ASIC2: variants seen among roughly 807,000 people sequenced by gnomAD.
ASIC2 encodes the protein acid-sensing ion channel 2.
ASIC2 carries 25 observed loss-of-function variants against 57.3 expected under a neutral mutation model. The ratio of observed to expected loss-of-function variants is 0.44; its 90% CI spans 0.32 to 0.61. The LOEUF (loss-of-function observed/expected upper bound fraction) is 0.61. Among genes scored for constraint, ASIC2 ranks in the 20% least tolerant of loss-of-function variants. The pLI is 0.06. For synonymous variants in ASIC2, 319 were observed against 307.5 expected (o/e 1.04, Z -0.39); for missense variants, 641 against 738.1 (o/e 0.87, Z 1.52).
intron 1 of ASIC2, among the ~76,000 whole-genome samples, chr17:33,720,520 A>G (rs1260483761): frequency 1.3e-5 from 2 of 152,236 alleles, no homozygotes; most frequent in African/African-American, 4.8e-5. Flanking sequence ...TCATGAACAT[A>G]TGTCTTGATT....
intron 2 of ASIC2, among the ~76,000 whole-genome samples, chr17:33,095,639 C>G (rs2092175873): frequency 6.6e-6 from 1 of 152,200 alleles, no homozygotes; most frequent in Admixed American, 6.5e-5. Flanking sequence ...ACCTGCTGAG[C>G]CAGCTCAGAA....
intron 1 of ASIC2, among the ~76,000 whole-genome samples, chr17:34,040,464 T>TGGG (rs1410986521): frequency 3.7e-4 from 11 of 29,606 alleles, no homozygotes; most frequent in African/African-American, 1.0e-3. Context: ...ACGAGGAAGG[T>TGGG]GGGGGGGGTC....
At chr17:33,048,079 A>C (rs966332279) in intron 3 of ASIC2, among the ~76,000 whole-genome samples, 1 of 152,174 alleles carries the variant, frequency 6.6e-6, no homozygotes, top group Non-Finnish European at 1.5e-5. Flanking sequence ...TTGAAGAGGA[A>C]GACATAGCAG....
At chr17:33,699,972 G>A (rs1273633475) in intron 1 of ASIC2, among the ~76,000 whole-genome samples, 2 of 151,168 alleles carry the variant, frequency 1.3e-5, no homozygotes, top group African/African-American at 4.9e-5. Context: ...ATTTTTAATA[G>A]TGTATCTATG....
intron 1 of ASIC2, among the ~76,000 whole-genome samples, chr17:33,578,801 G>A (rs1916738832): frequency 7.2e-6 from 1 of 139,100 alleles, no homozygotes; most frequent in Admixed American, 7.2e-5. Flanking sequence ...GATTAGTCTA[G>A]TCACAGTTCA....
chr17:34,064,443 C>A (rs1211840997), intron 1 of ASIC2, among the ~76,000 whole-genome samples: 2 of 152,050 alleles, frequency 1.3e-5, no homozygotes, highest in African/African-American at 4.8e-5. Flanking sequence ...AATATTGGAA[C>A]AACCCTTCTA....
chr17:33,684,548 C>G (rs965007338), intron 1 of ASIC2, among the ~76,000 whole-genome samples: 1 of 152,180 alleles, frequency 6.6e-6, no homozygotes, highest in Non-Finnish European at 1.5e-5. Context: ...GAAGAAACAA[C>G]TTTTTAAATA....
intron 1 of ASIC2, among the ~76,000 whole-genome samples, chr17:33,316,877 T>C (rs1162844937): frequency 1.3e-5 from 2 of 152,184 alleles, no homozygotes; most frequent in African/African-American, 2.4e-5. Context: ...CAGACACACA[T>C]TCATTTTGTG....
rs143535531 is a variant in ASIC2 at position 33,163,208 on chromosome 17, G to A, written c.709-51141C>T. Among the ~76,000 whole-genome samples, 596 of 152,294 alleles carry A rather than the reference G, an allele frequency of 3.9e-3. 5 individuals are homozygous for A. The highest frequency in any genetic ancestry group is 4.6e-3 in the Non-Finnish European group (311 of 68,008). On this transcript the variant is annotated intron_variant, in intron 1 of 9. Coordinates refer to ENST00000225823, the MANE Select transcript of ASIC2 (RefSeq NM_183377.2). ...GTGTTAGAAAGGGCTCTCCTAGGCC[G>A]TCTCCAAGACAAGGAGCAGTTTTCA...
At chr17:33,521,350 G>A (rs996848070) in intron 1 of ASIC2, among the ~76,000 whole-genome samples, 8 of 152,228 alleles carry the variant, frequency 5.3e-5, no homozygotes, top group Non-Finnish European at 7.4e-5. Flanking sequence ...TGGATAATGC[G>A]CCTGCCACTC....
At chr17:33,559,494 T>C (rs1916008133) in intron 1 of ASIC2, among the ~76,000 whole-genome samples, 1 of 152,208 alleles carries the variant, frequency 6.6e-6, no homozygotes, top group Admixed American at 6.5e-5. Flanking sequence ...TTCTTTTTTT[T>C]CAAAGGTCGT....
chr17:33,404,419 C>G (rs1305806336), intron 1 of ASIC2, among the ~76,000 whole-genome samples: 2 of 152,242 alleles, frequency 1.3e-5, no homozygotes, highest in African/African-American at 4.8e-5. Flanking sequence ...AGCCAGGGCT[C>G]AGACAACACT....
intron 1 of ASIC2, among the ~76,000 whole-genome samples, chr17:33,736,517 T>A (rs562306539): frequency 6.6e-6 from 1 of 152,292 alleles, no homozygotes; most frequent in Admixed American, 6.5e-5. Context: ...ATCCCAGGCA[T>A]CTGTTTCCTG....
Position 33,519,979 on chromosome 17 carries a change from CTG to C in ASIC2, c.556-407914_556-407913del, listed in dbSNP as rs1408106313. Among the ~76,000 whole-genome samples, 3 of 152,218 alleles carry C rather than the reference CTG, an allele frequency of 2.0e-5. No individual in the cohort carries two copies. In the South Asian group the frequency reaches 6.2e-4, roughly 32 times the overall value. Reference sequence around the variant, plus strand: ...TTCAGAGAGAAAACAATTTTTATGACTGTTCAGTACAGCCCAGGAATCAGAGA... The same window carrying C: ...TTCAGAGAGAAAACAATTTTTATGACTTCAGTACAGCCCAGGAATCAGAGA... On this transcript the variant is annotated intron_variant, in intron 1 of 9. Coordinates refer to the ASIC2 transcript ENST00000359872.
chr17:33,551,928 A>G (rs752616950), intron 1 of ASIC2, among the ~76,000 whole-genome samples: 10 of 152,158 alleles, frequency 6.6e-5, no homozygotes, highest in Non-Finnish European at 1.0e-4. Context: ...GTCACAAAGG[A>G]GCCTGAGGCT....
rs79776416 is a variant in ASIC2 at position 34,139,752 on chromosome 17, G to T, written c.555+16226C>A. 7.4e-3 allele frequency among the ~76,000 whole-genome samples: 1,108 copies of T among 150,172 alleles called. 17 individuals carry two copies. Among genetic ancestry groups the T allele is most frequent in the African/African-American group, 0.027 (1,055 of 39,588 alleles). On this transcript the variant is annotated intron_variant, in intron 1 of 9. Transcript: ENST00000359872. ...GATTAATGATCACCTAGAACTGGAGGGGGGGGGATTGATGGAAATTGGGGA... is the reference window on the plus strand; with the variant it reads ...GATTAATGATCACCTAGAACTGGAGTGGGGGGGATTGATGGAAATTGGGGA...
intron 1 of ASIC2, among the ~76,000 whole-genome samples, chr17:33,466,985 T>C (rs1912886989): frequency 6.6e-6 from 1 of 152,122 alleles, no homozygotes; most frequent in African/African-American, 2.4e-5. Context: ...AAATCCAAAA[T>C]AGACAAATGG....
intron 1 of ASIC2, among the ~76,000 whole-genome samples, chr17:33,762,256 C>A (rs1226885452): frequency 6.6e-6 from 1 of 151,858 alleles, no homozygotes; most frequent in Non-Finnish European, 1.5e-5. Flanking sequence ...GTCCTGGGAC[C>A]CAAAAGACCT....
intron 3 of ASIC2, among the ~76,000 whole-genome samples, chr17:33,060,398 G>A (rs1024075591): frequency 5.9e-5 from 9 of 152,144 alleles, no homozygotes; most frequent in Non-Finnish European, 2.9e-5. Flanking sequence ...AGTTTTCCCA[G>A]CACCGTTTGT....
Sources: allele counts gnomAD v4.1 joint callset (sites outside exome capture counted in the v4.1 genomes callset), GRCh38; gene constraint gnomAD v4.1.1; transcripts MANE v1.5; gene names NCBI Gene and HGNC (gene_info 2026-07-23, HGNC 2026-07-21).